NAGA: variants seen among roughly 807,000 people sequenced by gnomAD.
The protein encoded by NAGA is alpha-N-acetylgalactosaminidase.
A neutral mutation model predicts 45.6 loss-of-function variants in NAGA; 42 were observed. The observed-to-expected ratio is 0.92, with a 90% CI of 0.72 to 1.19. NAGA has a LOEUF of 1.19. Ranked by LOEUF, NAGA falls within the 50% of genes most tolerant of loss-of-function variation. NAGA has a pLI of 0.00. For missense variants in NAGA, 493 were observed against 544.8 expected, an observed-to-expected ratio of 0.90 and a Z score of 0.95; for synonymous variants, 176 against 203.1, an observed-to-expected ratio of 0.87 and a Z score of 1.13.
chr22:42,066,038 C>T, intron 5 of NAGA, 139 bp from the exon 6 acceptor site: 1 of 1,173,426 alleles, frequency 8.5e-7, no homozygotes, highest in South Asian at 1.3e-5. Flanking sequence ...CCGGCTTGCT[C>T]AGGATGAGGA....
In NAGA at chr22:42,067,878, C is replaced by T. The variant is rs1297756731; in HGVS notation, c.211G>A (p.Gly71Ser). Residue 71 changes from glycine (G) to serine (S), a missense_variant, in exon 3 of 9, where the codon GGC (glycine) becomes AGC (serine). By Grantham distance (56) the Gly-to-Ser change is moderately conservative (BLOSUM62 0). Transcript: ENST00000396398. ...TCATCAATGTTGAGGTATGTGTAGC[C>T]CATGTCCCGCCATCCATCCTGTGCC... is the stretch of plus-strand genomic sequence containing the variant. Reference protein sequence around the residue: ...RMAQDGWRDMGYTYLNIDDCW... With the variant: ...RMAQDGWRDMSYTYLNIDDCW... 1 of 1,613,716 alleles carries T rather than the reference C, an allele frequency of 6.2e-7. No homozygotes were observed. Among genetic ancestry groups the T allele is most frequent in the South Asian group, 1.1e-5 (1 of 91,078 alleles).
At chr22:42,068,055 C>A in intron 2 of NAGA, 119 bp from the exon 3 acceptor site, 1 of 987,206 alleles carries the variant, frequency 1.0e-6, no homozygotes, top group Non-Finnish European at 1.6e-6. Flanking sequence ...AGCCCTAAGC[C>A]AGGTATCAGT....
intron 5 of NAGA, among the ~76,000 whole-genome samples, chr22:42,066,163 G>A (rs775725807): frequency 4.6e-5 from 7 of 152,316 alleles, no homozygotes; most frequent in Non-Finnish European, 1.0e-4. Context: ...CAGGGTGTGG[G>A]CCCAGGCTGG....
At chr22:42,062,221 C>T (rs1926446283) in intron 7 of NAGA, among the ~76,000 whole-genome samples, 1 of 152,124 alleles carries the variant, frequency 6.6e-6, no homozygotes, top group Admixed American at 6.5e-5. Flanking sequence ...TGCCTGTAAT[C>T]CCAGCACTTT....
intron 7 of NAGA, among the ~76,000 whole-genome samples, chr22:42,062,226 C>A (rs906985272): frequency 6.6e-6 from 1 of 152,084 alleles, no homozygotes; most frequent in Non-Finnish European, 1.5e-5. Flanking sequence ...GTAATCCCAG[C>A]ACTTTGGGAG....
chr22:42,061,456 G>T (rs1054511793), intron 7 of NAGA, among the ~76,000 whole-genome samples: 1 of 152,222 alleles, frequency 6.6e-6, no homozygotes, highest in Non-Finnish European at 1.5e-5. Flanking sequence ...TGTCCAGTGG[G>T]AACAGTGAAC....
intron 7 of NAGA, among the ~76,000 whole-genome samples, chr22:42,061,900 T>A (rs1472971348): frequency 7.5e-6 from 1 of 133,346 alleles, no homozygotes; most frequent in Non-Finnish European, 1.5e-5. Context: ...TGCAGTGAGC[T>A]GAGATGGTGC....
Position 42,068,438 on chromosome 22 carries a change from C to T in NAGA, c.152+1G>A. The T allele has an allele frequency of 6.2e-7, 1 of 1,614,176 alleles. No homozygotes were observed. Among genetic ancestry groups the T allele is most frequent in the Non-Finnish European group, 8.5e-7 (1 of 1,180,026 alleles). ...ATCAGGTGAGTGTGGACCTTACTCACCTTATGCAGTTCTTTGGGTCCTCAT... is the reference window on the plus strand; with the variant it reads ...ATCAGGTGAGTGTGGACCTTACTCATCTTATGCAGTTCTTTGGGTCCTCAT... On this transcript the variant is annotated splice_donor_variant, in intron 2 of 8. Coordinates refer to ENST00000396398, the MANE Select transcript of NAGA (RefSeq NM_000262.3). LOFTEE classifies it high-confidence loss of function.
At position 42,070,490 on chromosome 22, in the gene NAGA, C is replaced by G. The variant is rs1926988271; in HGVS notation, c.-193G>C. 7.3e-6 allele frequency: 5 copies of G among 689,446 alleles called. No homozygotes were observed. Among genetic ancestry groups the G allele is most frequent in the African/African-American group, 3.5e-5 (2 of 56,854 alleles). 42.7% of individuals were successfully genotyped at this position (689,446 alleles called of 1,614,324 possible). A position where few individuals can be genotyped will look rare whatever the true frequency, so the allele number is the denominator to read the frequency against. On this transcript the variant is annotated 5_prime_UTR_variant, in exon 1 of 9. Coordinates refer to ENST00000396398, the MANE Select transcript of NAGA (RefSeq NM_000262.3). Reference sequence around the variant, plus strand: ...AGTTGCCCGCCCCATCCCCAGCCATCACTTCCCGGAGCTTCAGTTCTTCCT... The same window carrying G: ...AGTTGCCCGCCCCATCCCCAGCCATGACTTCCCGGAGCTTCAGTTCTTCCT...
Position 42,060,944 on chromosome 22 carries a change from T to C in NAGA, c.1081A>G (p.Thr361Ala). 6.2e-7 allele frequency: 1 copy of C among 1,614,132 alleles called. No homozygotes were observed. The highest frequency in any genetic ancestry group is 1.3e-5 in the African/African-American group (1 of 75,038). The change falls in exon 8 of 9, where the codon ACC (threonine) becomes GCC (alanine). Residue 361 changes from threonine to alanine, a missense_variant. Coordinates refer to ENST00000396398, the MANE Select transcript of NAGA (RefSeq NM_000262.3). The part of the protein sequence containing the change: ...YHSSLGQLNF[T>A]GSVIYEAQDV... ...CTCACCTCATATATCACAGACCCGG[T>C]GAAGTTCAGCTGGCCAAGGGAGGAG...
chr22:42,067,731 C>T (rs746146612), intron 3 of NAGA, 34 bp downstream of exon 3: 2 of 1,601,500 alleles, frequency 1.2e-6, no homozygotes, highest in Non-Finnish European at 1.7e-6. Flanking sequence ...TGGTCTAGCC[C>T]TGAGGCCAAG....
At chr22:42,063,104 G>T in intron 6 of NAGA, 80 bp from the exon 7 acceptor site, 1 of 1,394,914 alleles carries the variant, frequency 7.2e-7, no homozygotes, top group Non-Finnish European at 1.0e-6. Context: ...ACTTGTAGCC[G>T]AGGAAGAGCA....
intron 7 of NAGA, among the ~76,000 whole-genome samples, chr22:42,061,835 C>A (rs534825761): frequency 4.6e-5 from 7 of 151,616 alleles, no homozygotes; most frequent in African/African-American, 1.7e-4. Flanking sequence ...ACCTGTAATC[C>A]CAGCTACCTG....
intron 1 of NAGA, among the ~76,000 whole-genome samples, chr22:42,069,186 G>A (rs1223947147): frequency 1.3e-5 from 2 of 152,184 alleles, no homozygotes; most frequent in Admixed American, 1.3e-4. Flanking sequence ...AGCTGAGATC[G>A]TGCCACTGAA....
At chr22:42,067,405 G>A in intron 3 of NAGA, 115 bp from the exon 4 acceptor site, 2 of 1,328,710 alleles carry the variant, frequency 1.5e-6, no homozygotes, top group East Asian at 2.4e-5. Flanking sequence ...CAAAGGAGAT[G>A]GTCCCAGCAT....
chr22:42,069,507 T>G (rs2146846468), intron 1 of NAGA, among the ~76,000 whole-genome samples: 1 of 151,012 alleles, frequency 6.6e-6, no homozygotes, highest in East Asian at 2.0e-4. Flanking sequence ...TCCCAGCTAC[T>G]TAGGAGGCTG....
At chr22:42,068,190 A>G (rs924516564) in intron 2 of NAGA, among the ~76,000 whole-genome samples, 1 of 152,152 alleles carries the variant, frequency 6.6e-6, no homozygotes, top group African/African-American at 2.4e-5. Context: ...TGACCTTCTA[A>G]GAGTTATCTC....
intron 5 of NAGA, 93 bp downstream of exon 5, chr22:42,066,617 C>T (rs1212199152): frequency 8.2e-7 from 1 of 1,224,582 alleles, no homozygotes; most frequent in East Asian, 2.5e-5. Context: ...GCAGCCCTGG[C>T]TCTGGAAGGC....
At chr22:42,067,635 G>A in intron 3 of NAGA, 130 bp downstream of exon 3, 1 of 797,282 alleles carries the variant, frequency 1.3e-6, no homozygotes, top group Non-Finnish European at 2.0e-6. Flanking sequence ...TAGGCCAAAA[G>A]TCGGTGTTCA....
Sources: gnomAD v4.1 joint callset for allele counts (sites outside exome capture counted in the v4.1 genomes callset) on GRCh38, gnomAD v4.1.1 for gene constraint, MANE v1.5 for transcripts, NCBI Gene and HGNC (gene_info 2026-07-23, HGNC 2026-07-21) for gene names.